CLEC1A: variants seen among roughly 807,000 people sequenced by gnomAD.
The protein encoded by CLEC1A is C-type lectin-like receptor-1.
A neutral mutation model predicts 28.7 loss-of-function variants in CLEC1A; 34 were observed. That is an observed-to-expected ratio of 1.18 (90% CI 0.90 to 1.57). The LOEUF (loss-of-function observed/expected upper bound fraction) is 1.57, where lower values mean the gene tolerates loss of function less well. Ranked by LOEUF, CLEC1A falls within the 40% of genes most tolerant of loss-of-function variation. The probability of loss-of-function intolerance (pLI) is 0.00; values close to 1 mark genes in which losing one functional copy is unlikely to be tolerated. For missense variants in CLEC1A, 385 were observed against 339.5 expected (o/e 1.13, Z -1.05); for synonymous variants, 116 against 121.0 (o/e 0.96, Z 0.27).
intron 3 of CLEC1A, among the ~76,000 whole-genome samples, chr12:10,080,924 G>C (rs1866354285): frequency 6.6e-6 from 1 of 152,154 alleles, no homozygotes; most frequent in South Asian, 2.1e-4. Context: ...GAAAGAATTT[G>C]TAAGAACATT....
intron 1 of CLEC1A, among the ~76,000 whole-genome samples, chr12:10,095,719 T>G (rs1332479884): frequency 1.3e-5 from 2 of 152,220 alleles, no homozygotes; most frequent in African/African-American, 4.8e-5. Flanking sequence ...ATTTGTTATT[T>G]GTTGTTTTTA....
rs1357268206 is a variant in CLEC1A at position 10,087,011 on chromosome 12, G to A, written c.214+2113C>T. 6.6e-5 allele frequency among the ~76,000 whole-genome samples: 10 copies of A among 151,886 alleles called. No homozygotes were observed. In the East Asian group the frequency reaches 1.9e-3, roughly 29 times the overall value. ...ACCTGAGGTCGGGAGTTCGAGACCAGCCTGACCAACATGGAGAAACTCCGT... is the reference window on the plus strand; with the variant it reads ...ACCTGAGGTCGGGAGTTCGAGACCAACCTGACCAACATGGAGAAACTCCGT... On this transcript the variant is annotated intron_variant, in intron 2 of 5. Transcript: ENST00000315330.
At chr12:10,094,960 ATCAGTAACTCAT>A (rs56369802) in intron 1 of CLEC1A, among the ~76,000 whole-genome samples, 114,473 of 151,666 alleles carry the variant, frequency 0.75, 44,945 homozygotes, top group Non-Finnish European at 0.88. Context: ...ACTAAACTCA[ATCAGTAACTCAT>A]TCATTCCTAT....
chr12:10,079,777 C>T (rs746960955), intron 3 of CLEC1A, among the ~76,000 whole-genome samples: 5 of 151,704 alleles, frequency 3.3e-5, no homozygotes, highest in Non-Finnish European at 5.9e-5. Context: ...CGAGATCATG[C>T]CACTGCACTC....
chr12:10,080,783 G>C (rs1247802881), intron 3 of CLEC1A, among the ~76,000 whole-genome samples: 1 of 152,152 alleles, frequency 6.6e-6, no homozygotes, highest in Non-Finnish European at 1.5e-5. Context: ...GCATATTTTT[G>C]ATACCCAGCC....
intron 2 of CLEC1A, among the ~76,000 whole-genome samples, chr12:10,083,475 T>C (rs1285326550): frequency 6.6e-6 from 1 of 152,198 alleles, no homozygotes; most frequent in Non-Finnish European, 1.5e-5. Context: ...ATGGTTTTCT[T>C]TCTTTCTTTT....
chr12:10,097,298 A>G (rs1397437306), intron 1 of CLEC1A, among the ~76,000 whole-genome samples: 2 of 152,220 alleles, frequency 1.3e-5, no homozygotes, highest in East Asian at 3.8e-4. Flanking sequence ...GTATCACATC[A>G]TTATGTTGAA....
In CLEC1A at chr12:10,089,160, C is replaced by T. The variant is rs376634719; in HGVS notation, c.178G>A (p.Val60Met). The stretch of plus-strand genomic sequence containing the variant: ...AGGGCTGCCAGCCCTATCAGCAGCA[C>T]CAAGCACAAAGTCAGCAGGGTCAGG... The part of the protein sequence containing the change: ...VALTLLTLCL[V>M]LLIGLAALGL... The change falls in exon 2 of 6, where the codon GTG becomes ATG. Residue 60 changes from valine to methionine, a missense_variant. Physicochemically the swap from Val to Met is conservative, Grantham distance 21 (BLOSUM62 1). Coordinates refer to ENST00000315330, the MANE Select transcript of CLEC1A (RefSeq NM_016511.4). 10 of 1,613,958 alleles carry T rather than the reference C, an allele frequency of 6.2e-6. No homozygotes were observed. Among genetic ancestry groups the T allele is most frequent in the Admixed American group, 1.7e-5 (1 of 60,000 alleles).
chr12:10,072,950 C>T (rs1361011490), intron 5 of CLEC1A, among the ~76,000 whole-genome samples: 1 of 152,088 alleles, frequency 6.6e-6, no homozygotes, highest in South Asian at 2.1e-4. Flanking sequence ...TGTAGTGGTG[C>T]ACGCCTGTAG....
intron 2 of CLEC1A, 83 bp from the exon 3 acceptor site, chr12:10,081,496 T>C (rs1866370962): frequency 5.9e-6 from 7 of 1,180,746 alleles, no homozygotes; most frequent in South Asian, 1.6e-5. Flanking sequence ...GACAAAACAG[T>C]ATATTTTTTA....
At position 10,070,343 on chromosome 12, in the gene CLEC1A, T is replaced by C. The variant is rs974615259; in HGVS notation, c.*990A>G. On this transcript the variant is annotated 3_prime_UTR_variant, in exon 6 of 6. Transcript: ENST00000315330. Reference sequence around the variant, plus strand: ...ACATCTTATTTTCTCCAGATAATCATGTAATCAGTACTCTTGTAAATTCCC... The same window carrying C: ...ACATCTTATTTTCTCCAGATAATCACGTAATCAGTACTCTTGTAAATTCCC... The C allele has an allele frequency of 2.6e-5, 4 of 152,236 alleles. No homozygotes were observed. The highest frequency in any genetic ancestry group is 5.9e-5 in the Non-Finnish European group (4 of 68,042). 9.4% of individuals were successfully genotyped at this position (152,236 alleles called of 1,614,324 possible).
At position 10,077,248 on chromosome 12, in the gene CLEC1A, C is replaced by T. The variant is rs545728832; in HGVS notation, c.392-1593G>A. 2.6e-5 allele frequency among the ~76,000 whole-genome samples: 4 copies of T among 152,202 alleles called. No individual in the cohort carries two copies. The East Asian group carries it at 7.7e-4, about 29-fold the overall frequency. ...CTTCAACTACCTAATATTTGATATA[C>T]TATTACTTAAACCATTGGAGGAGGA... On this transcript the variant is annotated intron_variant, in intron 3 of 5. Coordinates refer to ENST00000315330, the MANE Select transcript of CLEC1A (RefSeq NM_016511.4).
At chr12:10,095,364 T>G (rs1210623381) in intron 1 of CLEC1A, among the ~76,000 whole-genome samples, 1 of 151,550 alleles carries the variant, frequency 6.6e-6, no homozygotes, top group African/African-American at 2.4e-5. Flanking sequence ...CTGGCAGGAA[T>G]CTCAGCCTGT....
intron 3 of CLEC1A, 49 bp downstream of exon 3, chr12:10,081,188 C>T (rs1367913532): frequency 2.1e-6 from 3 of 1,438,866 alleles, no homozygotes; most frequent in Non-Finnish European, 2.8e-6. Context: ...GGAAATCCAT[C>T]TCTCTGTTTC....
intron 5 of CLEC1A, 78 bp from the exon 6 acceptor site, chr12:10,071,591 G>A: frequency 8.3e-7 from 1 of 1,204,856 alleles, no homozygotes; most frequent in Non-Finnish European, 1.1e-6. Flanking sequence ...TCTTTCTAGA[G>A]TTATAAAATT....
chr12:10,070,336 A>G lies in CLEC1A; in HGVS notation c.*997T>C, dbSNP rs145942757. 29 of 152,356 alleles carry G rather than the reference A, an allele frequency of 1.9e-4. No homozygotes were observed. The highest frequency in any genetic ancestry group is 6.0e-4 in the African/African-American group (25 of 41,594). The allele number at this position is 152,356 out of a possible 1,614,324, so 9.4% of individuals were successfully genotyped here. A position where few individuals can be genotyped will look rare whatever the true frequency, so the allele number is the denominator to read the frequency against. ...TTCAAAGACATCTTATTTTCTCCAGATAATCATGTAATCAGTACTCTTGTA... is the reference window on the plus strand; with the variant it reads ...TTCAAAGACATCTTATTTTCTCCAGGTAATCATGTAATCAGTACTCTTGTA... On this transcript the variant is annotated 3_prime_UTR_variant, in exon 6 of 6. Coordinates refer to ENST00000315330, the MANE Select transcript of CLEC1A (RefSeq NM_016511.4).
rs577050386 is a variant in CLEC1A at position 10,090,973 on chromosome 12, A to G, written c.116-1751T>C. Among the ~76,000 whole-genome samples the G allele has an allele frequency of 4.6e-5, 7 of 152,196 alleles. No homozygotes were observed. In the South Asian group the frequency reaches 1.0e-3, roughly 23 times the overall value. ...AACTATTTTCCCCTCACTCACATGT[A>G]CTCCTCACAACGGTCTCCCGTTTAG... On this transcript the variant is annotated intron_variant, in intron 1 of 5. Coordinates refer to ENST00000315330, the MANE Select transcript of CLEC1A (RefSeq NM_016511.4).
intron 1 of CLEC1A, among the ~76,000 whole-genome samples, chr12:10,090,238 T>C (rs1866584990): frequency 6.6e-6 from 1 of 152,120 alleles, no homozygotes; most frequent in Non-Finnish European, 1.5e-5. Flanking sequence ...GAAAGGAAAA[T>C]TCTTTTCCTT....
At chr12:10,089,245 CAG>C in intron 1 of CLEC1A, 23 bp from the exon 2 acceptor site, 4 of 1,602,532 alleles carry the variant, frequency 2.5e-6, no homozygotes, top group Non-Finnish European at 3.4e-6. Context: ...GAAGAGAAAG[CAG>C]AGTTTGGCTT....
Sources: gnomAD v4.1 joint callset for allele counts (sites outside exome capture counted in the v4.1 genomes callset) on GRCh38, gnomAD v4.1.1 for gene constraint, MANE v1.5 for transcripts, NCBI Gene and HGNC (gene_info 2026-07-23, HGNC 2026-07-21) for gene names.